STAT5A: variants seen among roughly 807,000 people sequenced by gnomAD.
STAT5A encodes the protein epididymis secretory sperm binding protein.
A neutral mutation model predicts 100.2 loss-of-function variants in STAT5A; 26 were observed. That is an observed-to-expected ratio of 0.26 (90% CI 0.19 to 0.36). STAT5A has a LOEUF of 0.36. STAT5A is among the 10% of genes least tolerant of loss of function. STAT5A has a pLI of 1.00. For synonymous variants in STAT5A, 330 were observed against 424.3 expected, an observed-to-expected ratio of 0.78 and a Z score of 2.73; for missense variants, 634 against 1,027.5, an observed-to-expected ratio of 0.62 and a Z score of 5.24.
chr17:42,298,874 G>A (rs1395140470), intron 5 of STAT5A, among the ~76,000 whole-genome samples: 2 of 152,166 alleles, frequency 1.3e-5, no homozygotes, highest in African/African-American at 4.8e-5. Context: ...GGTGTGGAGG[G>A]AAGCCGCCTC....
At chr17:42,306,715 G>A (rs1353146749) in intron 13 of STAT5A, among the ~76,000 whole-genome samples, 4 of 151,752 alleles carry the variant, frequency 2.6e-5, no homozygotes, top group Non-Finnish European at 4.4e-5. Flanking sequence ...AGATGTGTTT[G>A]CTAATTTTCT....
At chr17:42,299,329 T>A (rs2080951667) in intron 5 of STAT5A, among the ~76,000 whole-genome samples, 1 of 152,186 alleles carries the variant, frequency 6.6e-6, no homozygotes, top group Non-Finnish European at 1.5e-5. Flanking sequence ...ATCTCCCGTT[T>A]TACACGTGGG....
chr17:42,306,566 C>G, intron 13 of STAT5A, 119 bp downstream of exon 13: 9 of 1,485,280 alleles, frequency 6.1e-6, no homozygotes, highest in Non-Finnish European at 9.2e-7. Context: ...ACCACTCTCT[C>G]CTACAACCAG....
chr17:42,292,881 G>C (rs1467042465), intron 4 of STAT5A, among the ~76,000 whole-genome samples: 1 of 152,134 alleles, frequency 6.6e-6, no homozygotes, highest in East Asian at 1.9e-4. Flanking sequence ...ACCCGCCTCG[G>C]CCTCCCAAAG....
Position 42,309,060 on chromosome 17 carries a change from T to C in STAT5A, c.2076T>C (p.Asp692=). The change falls in exon 17 of 19, where the codon GAT becomes GAC. Residue 692 remains aspartate (D), a synonymous_variant. Transcript: ENST00000590949. The part of the protein sequence containing the change: ...YYTPVLAKAV[D]GYVKPQIKQV... ...TTCCCTTGACAGCTAAAGCTGTTGATGGATATGTGAAACCACAGATCAAGC... is the reference window on the plus strand; with the variant it reads ...TTCCCTTGACAGCTAAAGCTGTTGACGGATATGTGAAACCACAGATCAAGC... 6.2e-7 allele frequency: 1 copy of C among 1,614,220 alleles called. No homozygotes were observed. Among genetic ancestry groups the C allele is most frequent in the South Asian group, 1.1e-5 (1 of 91,088 alleles).
intron 5 of STAT5A, among the ~76,000 whole-genome samples, chr17:42,296,730 C>A (rs1228758345): frequency 2.0e-5 from 3 of 152,130 alleles, no homozygotes; most frequent in Non-Finnish European, 4.4e-5. Context: ...CTCTGCTTCC[C>A]AGCTTCAAGA....
At chr17:42,307,067 T>G (rs1430407019) in intron 13 of STAT5A, among the ~76,000 whole-genome samples, 1 of 152,046 alleles carries the variant, frequency 6.6e-6, no homozygotes, top group East Asian at 1.9e-4. Context: ...TGAAGACCCA[T>G]CCATTCTCTG....
chr17:42,309,120 G>A, intron 17 of STAT5A, 22 bp downstream of exon 17: 2 of 1,613,640 alleles, frequency 1.2e-6, no homozygotes, highest in Non-Finnish European at 1.7e-6. Flanking sequence ...GGTGGCTGTG[G>A]CTCTCCTTCT....
At chr17:42,290,882 C>G (rs1366546930) in intron 3 of STAT5A, among the ~76,000 whole-genome samples, 1 of 152,142 alleles carries the variant, frequency 6.6e-6, no homozygotes. Context: ...CTTTTTGGCA[C>G]CAGGGACCGG....
chr17:42,310,722 G>A lies in STAT5A; in HGVS notation c.*53G>A, dbSNP rs1340472263. The A allele has an allele frequency of 9.0e-5, 145 of 1,609,594 alleles. No homozygotes were observed. The highest frequency in any genetic ancestry group is 1.2e-4 in the Non-Finnish European group (138 of 1,177,208). ...AAACAATATGCAATGTGAAGCGGTC[G>A]TGTTGTGAGTTTAGTAAGGCTGTGT... On this transcript the variant is annotated 3_prime_UTR_variant, in exon 19 of 19. Transcript: ENST00000590949.
At chr17:42,309,222 G>A in intron 17 of STAT5A, 124 bp downstream of exon 17, 4 of 1,565,168 alleles carry the variant, frequency 2.6e-6, no homozygotes, top group Non-Finnish European at 3.5e-6. Context: ...GCCCTGGGGA[G>A]GGAGTCCCCT....
At chr17:42,302,051 AG>A (rs1430845794) in intron 9 of STAT5A, among the ~76,000 whole-genome samples, 1 of 152,248 alleles carries the variant, frequency 6.6e-6, no homozygotes, top group Admixed American at 6.5e-5. Flanking sequence ...TTGTAGTCCC[AG>A]CTACTCGGGA....
At chr17:42,288,087 A>C (rs1179089050), upstream of STAT5A, 1 of 152,230 alleles carries the variant, frequency 6.6e-6, no homozygotes, top group Non-Finnish European at 1.5e-5. The surrounding 1 kb of genome is among the most constrained non-coding windows in gnomAD (Gnocchi z 4.8). Flanking sequence ...CCAGAGCTGG[A>C]AGGCGTCGCC....
chr17:42,294,001 C>T (rs777178485), intron 4 of STAT5A, among the ~76,000 whole-genome samples: 7 of 151,908 alleles, frequency 4.6e-5, no homozygotes, highest in South Asian at 2.1e-4. Context: ...GATCACCTGA[C>T]GTCAGAAGTT....
rs899184171 is a variant in STAT5A at position 42,311,028 on chromosome 17, G to C, written c.*359G>C. 3.6e-6 allele frequency: 1 copy of C among 276,102 alleles called. No individual in the cohort carries two copies. Among genetic ancestry groups the C allele is most frequent in the African/African-American group, 2.1e-5 (1 of 46,902 alleles). The allele number at this position is 276,102 out of a possible 1,614,324, so 17.1% of individuals were successfully genotyped here. A position where few individuals can be genotyped will look rare whatever the true frequency, so the allele number is the denominator to read the frequency against. ...GAATGAGATGATTCAGAAGGGGAGG[G>C]GAGACAGGTAACGTCTGTAAGCTGA... On this transcript the variant is annotated 3_prime_UTR_variant, in exon 19 of 19. Coordinates refer to ENST00000590949, the MANE Select transcript of STAT5A (RefSeq NM_001288718.2).
Position 42,308,508 on chromosome 17 carries a change from G to A in STAT5A, c.2062+175G>A, listed in dbSNP as rs1012709288. 3 of 800,780 alleles carry A rather than the reference G, an allele frequency of 3.7e-6. No homozygotes were observed. The highest frequency in any genetic ancestry group is 2.8e-5 in the Admixed American group (1 of 35,280). 49.6% of individuals were successfully genotyped at this position (800,780 alleles called of 1,614,324 possible). A position where few individuals can be genotyped will look rare whatever the true frequency, so the allele number is the denominator to read the frequency against. ...GGATTTCAGGGCTCACAAATGAGGA[G>A]AGGGAACGAGAAACCCGTCCCAGCT... On this transcript the variant is annotated intron_variant, in intron 16 of 18. Coordinates refer to ENST00000590949, the MANE Select transcript of STAT5A (RefSeq NM_001288718.2). The surrounding 1 kb of genome is among the most constrained non-coding windows in gnomAD (Gnocchi z 4.6).
rs892067768 is a variant in STAT5A at position 42,295,075 on chromosome 17, C to T, written c.376-544C>T. On this transcript the variant is annotated intron_variant, in intron 4 of 18. Coordinates refer to ENST00000590949, the MANE Select transcript of STAT5A (RefSeq NM_001288718.2). ...TGATGCCTCCCCTCTAACTTCATTT[C>T]GGGGTCTCCAGGATGCCTGTGAGAG... 5.3e-5 allele frequency among the ~76,000 whole-genome samples: 8 copies of T among 152,124 alleles called. No individual in the cohort carries two copies. In the South Asian group the frequency reaches 1.0e-3, roughly 20 times the overall value.
chr17:42,306,593 T>G, intron 13 of STAT5A, 146 bp downstream of exon 13: 8 of 1,232,796 alleles, frequency 6.5e-6, no homozygotes, highest in Non-Finnish European at 9.2e-6. Context: ...TGGGGGCCCC[T>G]AGCCTCAAGA....
At chr17:42,295,875 C>A in intron 5 of STAT5A, 82 bp downstream of exon 5, 1 of 1,553,632 alleles carries the variant, frequency 6.4e-7, no homozygotes, top group South Asian at 1.2e-5. Flanking sequence ...AGAGCTGGGT[C>A]AGTGTCCATC....
Sources: gnomAD v4.1 joint callset for allele counts (sites outside exome capture counted in the v4.1 genomes callset) on GRCh38, gnomAD v4.1.1 for gene constraint, Gnocchi (gnomAD v3.1) non-coding constraint, MANE v1.5 for transcripts, NCBI Gene and HGNC (gene_info 2026-07-23, HGNC 2026-07-21) for gene names.